CNTN5: variants seen among roughly 807,000 people sequenced by gnomAD.
CNTN5 encodes contactin 5, also known as contactin-5.
A neutral mutation model predicts 129.1 loss-of-function variants in CNTN5; 77 were observed. The ratio of observed to expected loss-of-function variants is 0.60; its 90% CI spans 0.50 to 0.72. The LOEUF is 0.72. CNTN5 is among the 30% of genes least tolerant of loss of function. The pLI is 0.00. For synonymous variants in CNTN5, 509 were observed against 465.6 expected (o/e 1.09, Z -1.20); for missense variants, 1,478 against 1,328.8 (o/e 1.11, Z -1.75).
At chr11:99,488,687 T>C (rs1255131989) in intron 2 of CNTN5, among the ~76,000 whole-genome samples, 1 of 152,192 alleles carries the variant, frequency 6.6e-6, no homozygotes, top group Non-Finnish European at 1.5e-5. Flanking sequence ...GTGGAAAATG[T>C]AATCTTCCTG....
intron 3 of CNTN5, among the ~76,000 whole-genome samples, chr11:99,725,976 AT>A (rs1943323275): frequency 6.6e-6 from 1 of 152,204 alleles, no homozygotes; most frequent in Admixed American, 6.5e-5. Context: ...GAATATTATT[AT>A]TAGAATATTG....
chr11:99,425,975 C>A (rs1048480766), intron 2 of CNTN5, among the ~76,000 whole-genome samples: 1 of 152,198 alleles, frequency 6.6e-6, no homozygotes, highest in Non-Finnish European at 1.5e-5. Flanking sequence ...TGGCAAACAG[C>A]AATCTAACAT....
chr11:99,606,735 G>T lies in CNTN5; in HGVS notation c.55+50466G>T, dbSNP rs1231077338. ...ACAGTAACCAAAACAGCATGTTACT[G>T]GTACGAAAACAGAGATATAGATCAA... On this transcript the variant is annotated intron_variant, in intron 3 of 24. Coordinates refer to ENST00000524871, the MANE Select transcript of CNTN5 (RefSeq NM_014361.4). Among the ~76,000 whole-genome samples the T allele has an allele frequency of 5.5e-5, 8 of 144,384 alleles. 1 individual carries two copies. The highest frequency in any genetic ancestry group is 6.5e-3 in the Middle Eastern group (2 of 310). The allele number at this position is 144,384 out of a possible 152,430, so 94.7% of individuals were successfully genotyped here.
At chr11:99,790,961 GAA>G (rs1213880779) in intron 3 of CNTN5, among the ~76,000 whole-genome samples, 2 of 151,996 alleles carry the variant, frequency 1.3e-5, no homozygotes, top group Non-Finnish European at 2.9e-5. Context: ...GTCTTCTTTT[GAA>G]AAGTGTCTGT....
chr11:99,514,577 A>T (rs1946971908), intron 2 of CNTN5, among the ~76,000 whole-genome samples: 1 of 152,062 alleles, frequency 6.6e-6, no homozygotes, highest in Admixed American at 6.6e-5. Context: ...GAACCCAATA[A>T]CATTAAGGCA....
At chr11:99,242,955 T>A (rs879234207) in intron 1 of CNTN5, among the ~76,000 whole-genome samples, 1 of 152,162 alleles carries the variant, frequency 6.6e-6, no homozygotes, top group African/African-American at 2.4e-5. Flanking sequence ...TGAGAGTACA[T>A]GACTTTATGG....
At chr11:100,241,584 A>G (rs542738389) in intron 16 of CNTN5, among the ~76,000 whole-genome samples, 1 of 152,364 alleles carries the variant, frequency 6.6e-6, no homozygotes, top group South Asian at 2.1e-4. Flanking sequence ...TGAACCTATT[A>G]CAGAGCTACA....
Position 99,342,958 on chromosome 11 carries a change from A to G in CNTN5, c.-71+17474A>G, listed in dbSNP as rs1355362281. Among the ~76,000 whole-genome samples the G allele has an allele frequency of 3.3e-5, 5 of 152,150 alleles. No homozygotes were observed. In the East Asian group the frequency reaches 7.7e-4, roughly 23 times the overall value. Reference sequence around the variant, plus strand: ...TCATCAGATTAAAAAAAACTGAGATATACAAAACAAAAAACAAAACAAAAC... The same window carrying G: ...TCATCAGATTAAAAAAAACTGAGATGTACAAAACAAAAAACAAAACAAAAC... On this transcript the variant is annotated intron_variant, in intron 2 of 24. Transcript: ENST00000524871.
intron 13 of CNTN5, among the ~76,000 whole-genome samples, chr11:100,133,830 G>C (rs1946448797): frequency 6.6e-6 from 1 of 152,110 alleles, no homozygotes; most frequent in African/African-American, 2.4e-5. Context: ...GGTAACTGGA[G>C]TTAAAAATTG....
chr11:99,252,437 C>T (rs1862159616), intron 1 of CNTN5, among the ~76,000 whole-genome samples: 1 of 151,034 alleles, frequency 6.6e-6, no homozygotes, highest in Non-Finnish European at 1.5e-5. Context: ...CATATTTCAT[C>T]AACCAGTAAC....
intron 1 of CNTN5, among the ~76,000 whole-genome samples, chr11:99,026,174 G>A (rs72998303): frequency 2.7e-4 from 41 of 151,556 alleles, no homozygotes; most frequent in Non-Finnish European, 4.7e-4. Flanking sequence ...AAATATGATA[G>A]GAATTCCTGG....
At chr11:99,078,004 C>G (rs1346055519) in intron 1 of CNTN5, among the ~76,000 whole-genome samples, 1 of 152,036 alleles carries the variant, frequency 6.6e-6, no homozygotes, top group Non-Finnish European at 1.5e-5. Flanking sequence ...CTTCAATAAG[C>G]CTTAAATGTT....
chr11:100,182,593 C>T (rs1378429380), intron 13 of CNTN5, among the ~76,000 whole-genome samples: 1 of 151,988 alleles, frequency 6.6e-6, no homozygotes, highest in Non-Finnish European at 1.5e-5. Context: ...ACTGAGTAAC[C>T]ATTTGCAAAA....
At chr11:99,636,647 C>G (rs1951566594) in intron 3 of CNTN5, among the ~76,000 whole-genome samples, 1 of 151,956 alleles carries the variant, frequency 6.6e-6, no homozygotes, top group Non-Finnish European at 1.5e-5. Context: ...TGTTCTTCTA[C>G]TAAAGGCCAA....
At chr11:99,381,307 TTAAAC>T (rs1940547627) in intron 2 of CNTN5, among the ~76,000 whole-genome samples, 1 of 152,156 alleles carries the variant, frequency 6.6e-6, no homozygotes. Context: ...GAAATATCAA[TTAAAC>T]TAGGATCTGA....
intron 8 of CNTN5, among the ~76,000 whole-genome samples, chr11:99,965,700 A>G (rs1164861436): frequency 2.0e-5 from 3 of 152,042 alleles, no homozygotes; most frequent in East Asian, 1.9e-4. Context: ...GCTGAGTTCA[A>G]TTCCTGGATA....
chr11:99,166,919 T>C (rs1444066671), intron 1 of CNTN5, among the ~76,000 whole-genome samples: 4 of 152,168 alleles, frequency 2.6e-5, no homozygotes, highest in African/African-American at 9.6e-5. Context: ...TTTTAAAATG[T>C]TGCATAATGT....
chr11:100,159,695 AAGG>A (rs1947375978), intron 13 of CNTN5, among the ~76,000 whole-genome samples: 1 of 151,926 alleles, frequency 6.6e-6, no homozygotes, highest in Non-Finnish European at 1.5e-5. Context: ...GTGGGTGACA[AAGG>A]TCGTTAGGTT....
At chr11:99,328,285 C>T (rs756594872) in intron 2 of CNTN5, among the ~76,000 whole-genome samples, 4 of 152,064 alleles carry the variant, frequency 2.6e-5, no homozygotes, top group Admixed American at 6.6e-5. Context: ...AATGAATACT[C>T]GAAAGAATTT....
Sources: allele counts gnomAD v4.1 joint callset (sites outside exome capture counted in the v4.1 genomes callset), GRCh38; gene constraint gnomAD v4.1.1; transcripts MANE v1.5; gene names NCBI Gene and HGNC (gene_info 2026-07-23, HGNC 2026-07-21).